Variants in DNAJC3 observed in about 807,000 individuals in gnomAD.
The protein encoded by DNAJC3 is dnaJ homolog subfamily C member 3.
Under a neutral mutation model 68.6 loss-of-function variants are expected in DNAJC3, and 38 were observed. That is an observed-to-expected ratio of 0.55 (90% CI 0.43 to 0.73). DNAJC3 has a LOEUF of 0.73. DNAJC3 is among the 30% of genes least tolerant of loss of function. The pLI is 0.00. For synonymous variants in DNAJC3, 203 were observed against 204.0 expected, an observed-to-expected ratio of 1.00 and a Z score of 0.04; for missense variants, 526 against 591.9, an observed-to-expected ratio of 0.89 and a Z score of 1.16.
At chr13:95,749,877 G>C (rs1882420280) in intron 4 of DNAJC3, among the ~76,000 whole-genome samples, 1 of 152,146 alleles carries the variant, frequency 6.6e-6, no homozygotes, top group Admixed American at 6.5e-5. Flanking sequence ...ATGAAACTCT[G>C]TCTGTACTAA....
chr13:95,771,982 A>G (rs1203586562), intron 9 of DNAJC3, among the ~76,000 whole-genome samples: 1 of 151,952 alleles, frequency 6.6e-6, no homozygotes, highest in Non-Finnish European at 1.5e-5. Context: ...TTTATTGATG[A>G]AGAGAAGTTG....
intron 2 of DNAJC3, 96 bp downstream of exon 2, chr13:95,709,433 C>A (rs1880876840): frequency 7.1e-6 from 6 of 841,094 alleles, no homozygotes; most frequent in South Asian, 2.0e-5. Context: ...AACATTATTT[C>A]ATGTTTAAAT....
intron 4 of DNAJC3, among the ~76,000 whole-genome samples, chr13:95,738,921 A>G (rs1461515115): frequency 6.6e-6 from 1 of 151,360 alleles, no homozygotes; most frequent in Non-Finnish European, 1.5e-5. Context: ...CCTAGTCTCG[A>G]TGGTCTTTAC....
intron 9 of DNAJC3, among the ~76,000 whole-genome samples, chr13:95,769,685 A>G (rs1275208507): frequency 6.6e-6 from 1 of 152,170 alleles, no homozygotes; most frequent in Non-Finnish European, 1.5e-5. Flanking sequence ...TTGGCTGTAC[A>G]TTTCCTGAAC....
At chr13:95,780,683 GA>G (rs1883425344) in intron 9 of DNAJC3, among the ~76,000 whole-genome samples, 2 of 152,226 alleles carry the variant, frequency 1.3e-5, no homozygotes, top group South Asian at 4.1e-4. Flanking sequence ...GGCAGCAGGA[GA>G]ATGTTGGTGT....
intron 4 of DNAJC3, among the ~76,000 whole-genome samples, chr13:95,746,881 T>C (rs1882321066): frequency 6.6e-6 from 1 of 152,150 alleles, no homozygotes; most frequent in Non-Finnish European, 1.5e-5. Flanking sequence ...TCAGCTGGGG[T>C]GAGGGTTGCC....
At chr13:95,761,722 A>G (rs1324156340) in intron 7 of DNAJC3, among the ~76,000 whole-genome samples, 1 of 152,002 alleles carries the variant, frequency 6.6e-6, no homozygotes, top group African/African-American at 2.4e-5. Flanking sequence ...TGTCATTTTA[A>G]GAATGTTACA....
chr13:95,735,903 A>G (rs977882267), intron 4 of DNAJC3, among the ~76,000 whole-genome samples: 3 of 152,214 alleles, frequency 2.0e-5, no homozygotes, highest in Non-Finnish European at 2.9e-5. Context: ...GCCCATGCCT[A>G]TGTCCTGAAT....
chr13:95,688,927 GGTGTGTGTGTGT>G lies in DNAJC3; in HGVS notation c.82+11618_82+11629del, dbSNP rs57546561. Among the ~76,000 whole-genome samples the G allele has an allele frequency of 2.7e-4, 35 of 129,752 alleles. No homozygotes were observed. In the East Asian group the frequency reaches 5.8e-3, roughly 22 times the overall value. The allele number at this position is 129,752 out of a possible 152,430, so 85.1% of individuals were successfully genotyped here. ...GAGACAAAGCCCATTTGATTGTGTG[GGTGTGTGTGTGT>G]GTGTGTGTGTGTGTGTGTGTGTGTG... On this transcript the variant is annotated intron_variant, in intron 1 of 11. Transcript: ENST00000602402.
intron 1 of DNAJC3, among the ~76,000 whole-genome samples, chr13:95,681,017 A>G (rs1879895744): frequency 6.6e-6 from 1 of 152,218 alleles, no homozygotes; most frequent in Non-Finnish European, 1.5e-5. Flanking sequence ...TACTAACTAT[A>G]TTGCTCTTTG....
intron 4 of DNAJC3, among the ~76,000 whole-genome samples, chr13:95,741,035 A>T (rs1220966885): frequency 6.6e-6 from 1 of 152,062 alleles, no homozygotes; most frequent in African/African-American, 2.4e-5. Context: ...ATTATATTGA[A>T]TCATTTTTCT....
chr13:95,794,678 C>T lies in DNAJC3; in HGVS notation c.*3648C>T, dbSNP rs752991746. On this transcript the variant is annotated 3_prime_UTR_variant, in exon 12 of 12. Transcript: ENST00000602402. Reference sequence around the variant, plus strand: ...ATTGATTTAAGAGTAAAATTAGCCACTGCGTGGCTTTGTGTATAGTAACCG... The same window carrying T: ...ATTGATTTAAGAGTAAAATTAGCCATTGCGTGGCTTTGTGTATAGTAACCG... The T allele has an allele frequency of 1.3e-5, 2 of 152,218 alleles. No individual in the cohort carries two copies. Among genetic ancestry groups the T allele is most frequent in the Non-Finnish European group, 2.9e-5 (2 of 68,036 alleles). 9.4% of individuals were successfully genotyped at this position (152,218 alleles called of 1,614,324 possible).
At chr13:95,683,857 T>C (rs925566266) in intron 1 of DNAJC3, among the ~76,000 whole-genome samples, 1 of 138,822 alleles carries the variant, frequency 7.2e-6, no homozygotes, top group Non-Finnish European at 1.5e-5. Context: ...TGCTTAAACC[T>C]GGGAGGCAGA....
rs540653488 is a variant in DNAJC3 at position 95,733,850 on chromosome 13, C to T, written c.393+8598C>T. On this transcript the variant is annotated intron_variant, in intron 4 of 11. Coordinates refer to ENST00000602402, the MANE Select transcript of DNAJC3 (RefSeq NM_006260.5). ...TACTTTTAGTCTTCGTGTGTCTTTA[C>T]AAGTGAAGGAAGTTTCTTGTAAGTG... is the stretch of plus-strand genomic sequence containing the variant. Among the ~76,000 whole-genome samples the T allele has an allele frequency of 9.2e-5, 14 of 151,886 alleles. No individual in the cohort carries two copies. The South Asian group carries it at 2.9e-3, about 32-fold the overall frequency.
intron 4 of DNAJC3, chr13:95,742,757 T>A (rs541277844): frequency 9.6e-6 from 5 of 519,066 alleles, no homozygotes; most frequent in South Asian, 5.6e-5. Flanking sequence ...CATCTCTGAA[T>A]GCCTTCCTCA....
chr13:95,794,547 CTTTT>C lies in DNAJC3; in HGVS notation c.*3520_*3523del, dbSNP rs1262126579. On this transcript the variant is annotated 3_prime_UTR_variant, in exon 12 of 12. Coordinates refer to ENST00000602402, the MANE Select transcript of DNAJC3 (RefSeq NM_006260.5). The stretch of plus-strand genomic sequence containing the variant: ...ATCCTTTTTCTAAATCAGATCATTC[CTTTT>C]TTGTTAGTGGCAGTTTATCCTGTAA... 6.6e-6 allele frequency: 1 copy of C among 152,140 alleles called. No homozygotes were observed. Among genetic ancestry groups the C allele is most frequent in the Non-Finnish European group, 1.5e-5 (1 of 68,014 alleles). 9.4% of individuals were successfully genotyped at this position (152,140 alleles called of 1,614,324 possible). A position where few individuals can be genotyped will look rare whatever the true frequency, so the allele number is the denominator to read the frequency against.
chr13:95,791,055 A>AATT lies in DNAJC3; in HGVS notation c.*26_*28dup, dbSNP rs1365111228. The AATT allele has an allele frequency of 5.0e-6, 8 of 1,602,410 alleles. No individual in the cohort carries two copies. The highest frequency in any genetic ancestry group is 2.2e-5 in the East Asian group (1 of 44,814). On this transcript the variant is annotated 3_prime_UTR_variant, in exon 12 of 12. Transcript: ENST00000602402. ...AACCAACTGTTTTTCTGCTCTTCTT[A>AATT]ATTTTTTTAAAGATTAAAAACAAAG...
Position 95,723,236 on chromosome 13 carries a change from T to A in DNAJC3, c.194-6T>A, listed in dbSNP as rs1220162060. Reference sequence around the variant, plus strand: ...GACTAAGAGGTAATATTATTTTAATTTTCAGATGGTGACCCTGATAACTAT... The same window carrying A: ...GACTAAGAGGTAATATTATTTTAATATTCAGATGGTGACCCTGATAACTAT... On this transcript the variant is annotated splice_polypyrimidine_tract_variant and splice_region_variant and intron_variant, in intron 2 of 11. Coordinates refer to ENST00000602402, the MANE Select transcript of DNAJC3 (RefSeq NM_006260.5). 1 of 1,574,392 alleles carries A rather than the reference T, an allele frequency of 6.4e-7. No individual in the cohort carries two copies. Among genetic ancestry groups the A allele is most frequent in the Non-Finnish European group, 8.6e-7 (1 of 1,160,352 alleles).
intron 1 of DNAJC3, among the ~76,000 whole-genome samples, chr13:95,700,927 T>C (rs554645867): frequency 6.6e-6 from 1 of 152,372 alleles, no homozygotes; most frequent in African/African-American, 2.4e-5. Flanking sequence ...CGCTCCAGAA[T>C]AATTATGTCA....
Sources: gnomAD v4.1 joint callset for allele counts (sites outside exome capture counted in the v4.1 genomes callset) on GRCh38, gnomAD v4.1.1 for gene constraint, MANE v1.5 for transcripts, NCBI Gene and HGNC (gene_info 2026-07-23, HGNC 2026-07-21) for gene names.